The following SPINK5 variants were observed in gnomAD, a reference collection of about 807,000 sequenced individuals.
SPINK5 encodes serine protease inhibitor Kazal-type 5.
A neutral mutation model predicts 151.8 loss-of-function variants in SPINK5; 125 were observed. The ratio of observed to expected loss-of-function variants is 0.82; its 90% CI spans 0.71 to 0.96. SPINK5 has a LOEUF of 0.96. SPINK5 is among the 40% of genes least tolerant of loss of function. The pLI is 0.00. For missense variants in SPINK5, 1,194 were observed against 1,291.9 expected, an observed-to-expected ratio of 0.92 and a Z score of 1.16; for synonymous variants, 374 against 395.3, an observed-to-expected ratio of 0.95 and a Z score of 0.64.
At chr5:148,098,831 T>C (rs1753551094) in intron 11 of SPINK5, among the ~76,000 whole-genome samples, 1 of 151,982 alleles carries the variant, frequency 6.6e-6, no homozygotes, top group South Asian at 2.1e-4. Context: ...AGACCCCCTC[T>C]ACCTCTCATC....
chr5:148,105,236 T>C (rs564471490), intron 16 of SPINK5, among the ~76,000 whole-genome samples: 1 of 152,364 alleles, frequency 6.6e-6, no homozygotes, highest in South Asian at 2.1e-4. Context: ...GTTAACTTTT[T>C]GTAAGGAATT....
intron 2 of SPINK5, among the ~76,000 whole-genome samples, chr5:148,068,202 T>C (rs1388651777): frequency 6.6e-6 from 1 of 152,110 alleles, no homozygotes; most frequent in Non-Finnish European, 1.5e-5. Context: ...ACTCTGCTAC[T>C]CTGATGGAGT....
chr5:148,128,172 G>C (rs985099229), intron 30 of SPINK5, among the ~76,000 whole-genome samples: 2 of 151,906 alleles, frequency 1.3e-5, no homozygotes, highest in African/African-American at 4.8e-5. Context: ...GGTAAATTGA[G>C]CTCCACATCA....
intron 4 of SPINK5, among the ~76,000 whole-genome samples, chr5:148,084,588 G>A (rs1753105166): frequency 6.6e-6 from 1 of 151,820 alleles, no homozygotes; most frequent in African/African-American, 2.4e-5. Flanking sequence ...TCTGGGGAAG[G>A]GGGATAGTAG....
Position 148,127,328 on chromosome 5 carries a change from G to A in SPINK5, c.2964+249G>A, listed in dbSNP as rs2303072. ...TAGTACATTTTGAAATTTACAATGT[G>A]TGTGTGGAATAATTGTGACTAATTT... is the stretch of plus-strand genomic sequence containing the variant. On this transcript the variant is annotated intron_variant, in intron 30 of 32. Coordinates refer to ENST00000256084, the MANE Select transcript of SPINK5 (RefSeq NM_006846.4). Among the ~76,000 whole-genome samples the A allele has an allele frequency of 0.56, 85,284 of 151,844 alleles. 24,656 individuals are homozygous for A. The highest frequency in any genetic ancestry group is 0.65 in the Admixed American group (9,904 of 15,274).
In SPINK5 at chr5:148,118,506, GTACGTGATGCT is replaced by G; in HGVS notation, c.2183_2193del (p.Val728GlyfsTer13). The stretch of plus-strand genomic sequence containing the variant: ...CAGCTGTACTCGGGAGAGTGATCCT[GTACGTGATGCT>G]GATGGCAAATCGTACAACAATCAGT... On this transcript the variant is annotated frameshift_variant, in exon 23 of 33. Transcript: ENST00000256084. LOFTEE classifies it high-confidence loss of function. The G allele has an allele frequency of 1.2e-6, 2 of 1,614,140 alleles. No homozygotes were observed. Among genetic ancestry groups the G allele is most frequent in the Non-Finnish European group, 1.7e-6 (2 of 1,180,008 alleles).
chr5:148,099,693 G>T (rs7703515), intron 12 of SPINK5, among the ~76,000 whole-genome samples: 5,643 of 152,002 alleles, frequency 0.037, 315 homozygotes, highest in African/African-American at 0.13. Context: ...ACCAACGCAT[G>T]ATTTTTATCC....
chr5:148,135,854 C>G (rs1385752722), intron 32 of SPINK5, among the ~76,000 whole-genome samples: 1 of 152,128 alleles, frequency 6.6e-6, no homozygotes, highest in African/African-American at 2.4e-5. Flanking sequence ...ATCTTGGAAC[C>G]CACTCTTTTG....
At chr5:148,113,754 A>G (rs1415444442) in intron 20 of SPINK5, among the ~76,000 whole-genome samples, 2 of 117,368 alleles carry the variant, frequency 1.7e-5, no homozygotes, top group African/African-American at 5.2e-5. Context: ...TTTAAAAATA[A>G]TAGCAGTTCA....
chr5:148,123,511 C>CT (rs752672114), intron 26 of SPINK5, among the ~76,000 whole-genome samples: 2,862 of 52,944 alleles, frequency 0.054, 73 homozygotes, highest in East Asian at 0.083. Flanking sequence ...TGCAGTGGTG[C>CT]AATATATGTG....
intron 10 of SPINK5, 44 bp downstream of exon 10, chr5:148,095,949 T>TC: frequency 7.0e-7 from 1 of 1,436,158 alleles, no homozygotes; most frequent in Non-Finnish European, 9.6e-7. Flanking sequence ...TGTGTGTGTG[T>TC]GGGGGGGTGC....
rs1753980514 is a variant in SPINK5 at position 148,112,902 on chromosome 5, C to T, written c.1855C>T (p.Pro619Ser). 3 of 1,613,648 alleles carry T rather than the reference C, an allele frequency of 1.9e-6. No individual in the cohort carries two copies. Among genetic ancestry groups the T allele is most frequent in the African/African-American group, 1.3e-5 (1 of 74,850 alleles). ...QEAKEKERAE[P>S]RAKVKREAEK... ...AGCAAAAGAAAAAGAAAGAGCTGAA[C>T]CCAGAGCAAAAGTCAAAAGAGAAGC... Residue 619 changes from proline to serine, a missense_variant, in exon 20 of 33, where the codon CCC becomes TCC. Physicochemically the swap from Pro to Ser is moderately conservative, Grantham distance 74 (BLOSUM62 -1). Transcript: ENST00000256084.
At chr5:148,070,480 A>G (rs747871163) in intron 3 of SPINK5, 30 bp downstream of exon 3, 3 of 1,610,702 alleles carry the variant, frequency 1.9e-6, no homozygotes, top group Middle Eastern at 1.7e-4. Context: ...TTTCTTTCCA[A>G]TGTTTGAGTT....
chr5:148,088,456 T>A (rs1422599417), intron 5 of SPINK5, 86 bp from the exon 6 acceptor site: 39 of 1,178,124 alleles, frequency 3.3e-5, no homozygotes, highest in African/African-American at 6.0e-5. Context: ...TAAAGGAGAA[T>A]GACAATGCAA....
chr5:148,118,696 T>C, intron 23 of SPINK5, 132 bp downstream of exon 23: 2 of 1,289,680 alleles, frequency 1.6e-6, no homozygotes, highest in Non-Finnish European at 2.2e-6. Context: ...TTCTATTTTT[T>C]TCTCTTGCGT....
rs1561703850 is a variant in SPINK5 at position 148,123,512 on chromosome 5, A to ATT, written c.2539-321_2539-320insTT. Among the ~76,000 whole-genome samples, 58 of 120,944 alleles carry ATT rather than the reference A, an allele frequency of 4.8e-4. 2 individuals carry two copies. The highest frequency in any genetic ancestry group is 2.0e-3 in the African/African-American group (57 of 28,366). 79.3% of individuals were successfully genotyped at this position (120,944 alleles called of 152,430 possible). ...TGTCCAGCCTGGAGTGCAGTGGTGC[A>ATT]ATATATGTGTATATATATATATATA... On this transcript the variant is annotated intron_variant, in intron 26 of 32. Coordinates refer to ENST00000256084, the MANE Select transcript of SPINK5 (RefSeq NM_006846.4).
At chr5:148,126,717 G>C (rs1053813707) in intron 29 of SPINK5, among the ~76,000 whole-genome samples, 1 of 152,012 alleles carries the variant, frequency 6.6e-6, no homozygotes, top group Non-Finnish European at 1.5e-5. Context: ...TCAGCCTTTC[G>C]AGTAGCTGGG....
intron 10 of SPINK5, among the ~76,000 whole-genome samples, chr5:148,096,134 AT>A (rs1479176286): frequency 6.6e-6 from 1 of 151,992 alleles, no homozygotes; most frequent in African/African-American, 2.4e-5. Context: ...ATCAAGTCAC[AT>A]TAATAATGTA....
At position 148,091,402 on chromosome 5, in the gene SPINK5, A is replaced by G. The variant is rs966730449; in HGVS notation, c.666+174A>G. Among the ~76,000 whole-genome samples, 15 of 151,930 alleles carry G rather than the reference A, an allele frequency of 9.9e-5. No individual in the cohort carries two copies. The South Asian group carries it at 1.9e-3, about 19-fold the overall frequency. On this transcript the variant is annotated intron_variant, in intron 8 of 32. Transcript: ENST00000256084. ...TCCTAGAATATTAATCATTAGATTC[A>G]GATTTAAAACAGCATTTCCTACCTA... is the stretch of plus-strand genomic sequence containing the variant.
Sources: gnomAD v4.1 joint callset for allele counts (sites outside exome capture counted in the v4.1 genomes callset) on GRCh38, gnomAD v4.1.1 for gene constraint, MANE v1.5 for transcripts, NCBI Gene and HGNC (gene_info 2026-07-23, HGNC 2026-07-21) for gene names.